Variants in KCNMB2 observed in about 807,000 individuals in gnomAD.
KCNMB2 encodes the protein potassium calcium-activated channel subfamily M regulatory beta subunit 2, also known as calcium-activated potassium channel subunit beta-2.
A neutral mutation model predicts 24.5 loss-of-function variants in KCNMB2; 9 were observed. The observed-to-expected ratio is 0.37, with a 90% CI of 0.22 to 0.64. KCNMB2 has a LOEUF of 0.64. Ranked by LOEUF, KCNMB2 falls within the 30% of genes least tolerant of loss-of-function variation. The pLI, the probability that KCNMB2 is intolerant of heterozygous loss-of-function variation, is 0.63. For missense variants in KCNMB2, 226 were observed against 284.3 expected, an observed-to-expected ratio of 0.79 and a Z score of 1.47; for synonymous variants, 109 against 104.4, an observed-to-expected ratio of 1.04 and a Z score of -0.27.
chr3:178,804,497 A>G (rs1713888001), intron 1 of KCNMB2, among the ~76,000 whole-genome samples: 1 of 152,226 alleles, frequency 6.6e-6, no homozygotes, highest in South Asian at 2.1e-4. Context: ...CACTTATTGG[A>G]ATAAACTGAG....
intron 1 of KCNMB2, among the ~76,000 whole-genome samples, chr3:178,643,482 G>A (rs910438959): frequency 6.6e-6 from 1 of 152,104 alleles, no homozygotes; most frequent in African/African-American, 2.4e-5. Flanking sequence ...TTTTTATATT[G>A]TATTACAGTT....
At chr3:178,653,284 G>A (rs1720198029) in intron 1 of KCNMB2, among the ~76,000 whole-genome samples, 1 of 151,992 alleles carries the variant, frequency 6.6e-6, no homozygotes, top group Non-Finnish European at 1.5e-5. Flanking sequence ...AAAATACTAA[G>A]TTAATTTAAA....
At chr3:178,692,530 G>A (rs987196196) in intron 1 of KCNMB2, among the ~76,000 whole-genome samples, 4 of 152,230 alleles carry the variant, frequency 2.6e-5, no homozygotes, top group African/African-American at 9.6e-5. Flanking sequence ...TTTTTGTCAG[G>A]TTTGTCAAAG....
chr3:178,699,741 G>C lies in KCNMB2; in HGVS notation c.-67-107602G>C, dbSNP rs372438424. On this transcript the variant is annotated intron_variant, in intron 1 of 4. Coordinates refer to ENST00000452583, the MANE Select transcript of KCNMB2 (RefSeq NM_181361.3). ...CTCCTATGAGAGCAATTTGAGCTTA[G>C]GGGGATGGCTGTCCCTGACCGTGCT... 9.8e-5 allele frequency among the ~76,000 whole-genome samples: 15 copies of C among 152,324 alleles called. 1 individual carries two copies. The East Asian group carries it at 2.9e-3, about 29-fold the overall frequency.
rs180831100 is a variant in KCNMB2 at position 178,554,266 on chromosome 3, T to C, written c.-68+17555T>C. Among the ~76,000 whole-genome samples, 983 of 152,300 alleles carry C rather than the reference T, an allele frequency of 6.5e-3. 5 individuals are homozygous for C. Among genetic ancestry groups the C allele is most frequent in the South Asian group, 0.014 (68 of 4,828 alleles). ...CCATCGCAATAAAATTTCAAACCAC[T>C]ATGCAGGTAAAATAATAACCTTCAG... On this transcript the variant is annotated intron_variant, in intron 1 of 4. Transcript: ENST00000452583.
At chr3:178,692,861 T>C (rs371096733) in intron 1 of KCNMB2, among the ~76,000 whole-genome samples, 2 of 152,230 alleles carry the variant, frequency 1.3e-5, no homozygotes, top group South Asian at 4.1e-4. Context: ...TTTAATGATA[T>C]TGATTATTCA....
At chr3:178,825,323 T>C (rs1714790130) in intron 2 of KCNMB2, among the ~76,000 whole-genome samples, 1 of 152,166 alleles carries the variant, frequency 6.6e-6, no homozygotes, top group Admixed American at 6.5e-5. Flanking sequence ...GAAAATTAAT[T>C]TGCAGTTAAG....
intron 1 of KCNMB2, among the ~76,000 whole-genome samples, chr3:178,637,124 T>C (rs1719556190): frequency 6.6e-6 from 1 of 152,222 alleles, no homozygotes; most frequent in Admixed American, 6.5e-5. Flanking sequence ...TTTAGGCTGC[T>C]TCCATGCCTT....
intron 1 of KCNMB2, among the ~76,000 whole-genome samples, chr3:178,722,133 C>A (rs982430268): frequency 6.6e-6 from 1 of 152,016 alleles, no homozygotes; most frequent in Non-Finnish European, 1.5e-5. Context: ...AAAGATTTCC[C>A]CATTTTTTTT....
In KCNMB2 at chr3:178,679,733, T is replaced by C. The variant is rs571864041; in HGVS notation, c.-67-127610T>C. On this transcript the variant is annotated intron_variant, in intron 1 of 4. Transcript: ENST00000452583. ...TTGCCCTGTCCCCTTTGACCTCTGGTGGTGTTGGTTAAAATAAAGATGCCC... is the reference window on the plus strand; with the variant it reads ...TTGCCCTGTCCCCTTTGACCTCTGGCGGTGTTGGTTAAAATAAAGATGCCC... Among the ~76,000 whole-genome samples the C allele has an allele frequency of 1.1e-4, 17 of 152,222 alleles. No homozygotes were observed. In the East Asian group the frequency reaches 2.7e-3, roughly 24 times the overall value.
chr3:178,757,710 ATATATATATG>A (rs1560005653), intron 1 of KCNMB2, among the ~76,000 whole-genome samples: 1 of 58,240 alleles, frequency 1.7e-5, no homozygotes, highest in African/African-American at 7.0e-5. Context: ...ATCCAAGAGG[ATATATATATG>A]TATATATATC....
intron 1 of KCNMB2, among the ~76,000 whole-genome samples, chr3:178,790,584 G>A (rs1413603798): frequency 2.0e-5 from 3 of 152,308 alleles, no homozygotes; most frequent in South Asian, 2.1e-4. Context: ...TCTGCTGCCT[G>A]AAGGGACTTT....
intron 1 of KCNMB2, among the ~76,000 whole-genome samples, chr3:178,741,397 G>A (rs931164839): frequency 6.6e-6 from 1 of 152,154 alleles, no homozygotes; most frequent in Non-Finnish European, 1.5e-5. Context: ...CTAGAAGGAA[G>A]GGAAAATATC....
chr3:178,700,789 A>G (rs577859050), intron 1 of KCNMB2, among the ~76,000 whole-genome samples: 1 of 151,274 alleles, frequency 6.6e-6, no homozygotes, highest in Admixed American at 6.6e-5. Context: ...ACCAACAACA[A>G]GAAATTGTTG....
chr3:178,713,695 T>C (rs559269250), intron 1 of KCNMB2, among the ~76,000 whole-genome samples: 1 of 152,116 alleles, frequency 6.6e-6, no homozygotes, highest in African/African-American at 2.4e-5. Flanking sequence ...AGGCTCTCCA[T>C]GGGCCCTGCA....
intron 1 of KCNMB2, among the ~76,000 whole-genome samples, chr3:178,736,853 A>G (rs34675039): frequency 0.12 from 17,629 of 152,262 alleles, 1,103 homozygotes; most frequent in Non-Finnish European, 0.14. Flanking sequence ...CTGGTCAGGT[A>G]ATTATACAAG....
chr3:178,639,711 G>T (rs1289136523), intron 1 of KCNMB2, among the ~76,000 whole-genome samples: 1 of 152,126 alleles, frequency 6.6e-6, no homozygotes, highest in Non-Finnish European at 1.5e-5. Flanking sequence ...CACTCTCTGT[G>T]AGTTATCACT....
At chr3:178,665,848 A>C (rs182332809) in intron 1 of KCNMB2, among the ~76,000 whole-genome samples, 6 of 152,224 alleles carry the variant, frequency 3.9e-5, no homozygotes, top group Non-Finnish European at 7.3e-5. Context: ...CTAAGACCAT[A>C]CAAGTGACCA....
At chr3:178,700,362 A>C (rs1470198388) in intron 1 of KCNMB2, among the ~76,000 whole-genome samples, 1 of 152,224 alleles carries the variant, frequency 6.6e-6, no homozygotes. Context: ...TTAAGCCTAA[A>C]GGCTTAATAA....
Sources: allele counts gnomAD v4.1 joint callset (sites outside exome capture counted in the v4.1 genomes callset), GRCh38; gene constraint gnomAD v4.1.1; transcripts MANE v1.5; gene names NCBI Gene and HGNC (gene_info 2026-07-23, HGNC 2026-07-21).